Variants in NCAM1 observed in about 807,000 individuals in gnomAD.
The protein encoded by NCAM1 is neural cell adhesion molecule 1.
A neutral mutation model predicts 109.8 loss-of-function variants in NCAM1; 14 were observed. The ratio of observed to expected loss-of-function variants is 0.13; its 90% confidence interval spans 0.08 to 0.20. The LOEUF (loss-of-function observed/expected upper bound fraction) is 0.20, where lower values mean the gene tolerates loss of function less well. Ranked by LOEUF, NCAM1 falls within the 10% of genes least tolerant of loss-of-function variation. The pLI, the probability that NCAM1 is intolerant of heterozygous loss-of-function variation, is 1.00. For synonymous variants in NCAM1, 418 were observed against 442.9 expected, an observed-to-expected ratio of 0.94 and a Z score of 0.70; for missense variants, 774 against 1,109.9, an observed-to-expected ratio of 0.70 and a Z score of 4.30.
chr11:113,277,849 T>C lies in NCAM1; in HGVS notation c.*2462T>C, dbSNP rs1230397562. 1.6e-5 allele frequency: 1 copy of C among 63,250 alleles called. No individual in the cohort carries two copies. The highest frequency in any genetic ancestry group is 3.7e-4 in the East Asian group (1 of 2,698). 3.9% of individuals were successfully genotyped at this position (63,250 alleles called of 1,614,324 possible). ...TCTCAGCATGCAAGAGTTTTTCCTT[T>C]AAAAAAAAAAAAAAAAAAAAAAAAA... is the stretch of plus-strand genomic sequence containing the variant. On this transcript the variant is annotated 3_prime_UTR_variant, in exon 20 of 20. Transcript: ENST00000316851.
chr11:112,991,961 C>T (rs1316691410), intron 1 of NCAM1, among the ~76,000 whole-genome samples: 20 of 152,034 alleles, frequency 1.3e-4, no homozygotes, highest in Admixed American at 1.2e-3. Flanking sequence ...GTCTTTAAGG[C>T]ATTAAATATA....
At chr11:113,127,055 A>G (rs1555097265) in intron 1 of NCAM1, among the ~76,000 whole-genome samples, 1 of 152,194 alleles carries the variant, frequency 6.6e-6, no homozygotes, top group African/African-American at 2.4e-5. Context: ...GAACTCAGAG[A>G]AGATAGTGAT....
At position 113,278,378 on chromosome 11, in the gene NCAM1, T is replaced by C. The variant is rs529669334; in HGVS notation, c.*2991T>C. 2.0e-5 allele frequency: 3 copies of C among 152,326 alleles called. No individual in the cohort carries two copies. In the South Asian group the frequency reaches 6.2e-4, roughly 32 times the overall value. The allele number at this position is 152,326 out of a possible 1,614,324, so 9.4% of individuals were successfully genotyped here. ...TAAATACTGAGTACTAACTGAGAAT[T>C]TTGACTTTGCATTCTGTCGGAATAC... On this transcript the variant is annotated 3_prime_UTR_variant, in exon 20 of 20. Transcript: ENST00000316851.
At chr11:113,270,508 C>A in intron 18 of NCAM1, 113 bp downstream of exon 18, 2 of 991,074 alleles carry the variant, frequency 2.0e-6, no homozygotes, top group South Asian at 1.6e-5. Flanking sequence ...ATTGCACGTT[C>A]TCCATTTGGA....
At chr11:113,118,402 T>G (rs1410711634) in intron 1 of NCAM1, among the ~76,000 whole-genome samples, 6 of 151,930 alleles carry the variant, frequency 3.9e-5, no homozygotes, top group Admixed American at 6.6e-5. Flanking sequence ...CTGCCTTTAT[T>G]GGGGAAGATT....
rs1944470330 is a variant in NCAM1, at chr11:113,214,475, G to A, written c.1023G>A (p.Trp341Ter). ...GAGACCCCATTCCCTCCATCACCTG[G>A]AGGACTTCTACCCGGAACATCAGCA... ...ASGDPIPSIT[W>*]RTSTRNISSE... Residue 341 changes from tryptophan to a stop codon, truncating the protein, a stop_gained, in exon 8 of 20, where the codon TGG becomes TGA. Transcript: ENST00000316851. LOFTEE classifies it high-confidence loss of function. 1 of 1,612,068 alleles carries A rather than the reference G, an allele frequency of 6.2e-7. No individual in the cohort carries two copies. Among genetic ancestry groups the A allele is most frequent in the African/African-American group, 1.3e-5 (1 of 74,902 alleles).
Position 113,231,636 on chromosome 11 carries a change from C to T in NCAM1, c.1090-9C>T. 1.2e-6 allele frequency: 2 copies of T among 1,613,032 alleles called. No individual in the cohort carries two copies. Among genetic ancestry groups the T allele is most frequent in the African/African-American group, 2.7e-5 (2 of 74,994 alleles). ...TCTGACATGCTCCCTTCCCCCCCAC[C>T]CCCGGCAGACTCTGGATGGGCACAT... On this transcript the variant is annotated splice_polypyrimidine_tract_variant and intron_variant, in intron 9 of 19. Transcript: ENST00000316851.
chr11:113,025,501 GTGAA>G (rs556680483), intron 1 of NCAM1, among the ~76,000 whole-genome samples: 25 of 152,138 alleles, frequency 1.6e-4, no homozygotes, highest in Admixed American at 9.8e-4. Flanking sequence ...ACGTAAAAGA[GTGAA>G]TGAATGAATG....
chr11:113,256,916 A>G (rs1036138830), intron 16 of NCAM1, among the ~76,000 whole-genome samples: 3 of 152,230 alleles, frequency 2.0e-5, no homozygotes, highest in Non-Finnish European at 2.9e-5. Context: ...GCCCCAAGGA[A>G]GACTTTTTCT....
intron 7 of NCAM1, 36 bp downstream of exon 7, chr11:113,208,038 A>G (rs782752283): frequency 1.3e-6 from 2 of 1,576,664 alleles, no homozygotes; most frequent in South Asian, 1.2e-5. Context: ...CTGCTCTGCC[A>G]CAATTCCCCT....
At chr11:113,077,389 T>C (rs1316037349) in intron 1 of NCAM1, among the ~76,000 whole-genome samples, 4 of 152,184 alleles carry the variant, frequency 2.6e-5, no homozygotes, top group Admixed American at 6.5e-5. Context: ...GGTGAGTGCT[T>C]GACTTATCCT....
chr11:112,988,597 C>A (rs1419314326), intron 1 of NCAM1, among the ~76,000 whole-genome samples: 1 of 151,988 alleles, frequency 6.6e-6, no homozygotes, highest in East Asian at 1.9e-4. Flanking sequence ...TGTTTTAAAT[C>A]CAGCACTTTG....
Position 113,020,918 on chromosome 11 carries a change from G to A in NCAM1, c.52+59254G>A, listed in dbSNP as rs139762784. On this transcript the variant is annotated intron_variant, in intron 1 of 19. Coordinates refer to ENST00000316851, the MANE Select transcript of NCAM1 (RefSeq NM_181351.5). Reference sequence around the variant, plus strand: ...ATTGCAGGCATGTGCCACCATGCCCGACAAATTTTTGTATTTTTAGTAGGG... The same window carrying A: ...ATTGCAGGCATGTGCCACCATGCCCAACAAATTTTTGTATTTTTAGTAGGG... 9.7e-3 allele frequency among the ~76,000 whole-genome samples: 1,469 copies of A among 152,078 alleles called. 22 individuals carry two copies. The highest frequency in any genetic ancestry group is 0.02 in the Middle Eastern group (6 of 294).
At chr11:112,988,197 T>G (rs1951360189) in intron 1 of NCAM1, among the ~76,000 whole-genome samples, 1 of 152,170 alleles carries the variant, frequency 6.6e-6, no homozygotes, top group African/African-American at 2.4e-5. Flanking sequence ...CAGCCTTATT[T>G]TACGTTTTTG....
chr11:113,122,838 T>C lies in NCAM1; in HGVS notation c.53-79541T>C, dbSNP rs138033360. Among the ~76,000 whole-genome samples, 533 of 152,308 alleles carry C rather than the reference T, an allele frequency of 3.5e-3. 2 individuals are homozygous for C. Among genetic ancestry groups the C allele is most frequent in the Middle Eastern group, 0.01 (3 of 294 alleles). On this transcript the variant is annotated intron_variant, in intron 1 of 19. Transcript: ENST00000316851. ...CAGGGTTGTCTAGTTTAAAGCACCATTCTCATATTCTTTGTAAATCTCATC... is the reference window on the plus strand; with the variant it reads ...CAGGGTTGTCTAGTTTAAAGCACCACTCTCATATTCTTTGTAAATCTCATC...
At chr11:113,117,652 G>A (rs192313251) in intron 1 of NCAM1, among the ~76,000 whole-genome samples, 1 of 152,118 alleles carries the variant, frequency 6.6e-6, no homozygotes, top group Non-Finnish European at 1.5e-5. Context: ...GAGGGAAAAC[G>A]AAATTGTGTA....
chr11:113,052,195 C>T (rs1489832136), intron 1 of NCAM1, among the ~76,000 whole-genome samples: 1 of 152,122 alleles, frequency 6.6e-6, no homozygotes, highest in African/African-American at 2.4e-5. Context: ...GCTGGTGATA[C>T]CTACCTAAGG....
At chr11:113,081,004 T>G (rs1435721598) in intron 1 of NCAM1, among the ~76,000 whole-genome samples, 2 of 152,228 alleles carry the variant, frequency 1.3e-5, no homozygotes, top group Non-Finnish European at 2.9e-5. Context: ...AATCATACTT[T>G]CTGACATTTA....
chr11:113,121,452 C>T (rs1940953030), intron 1 of NCAM1, among the ~76,000 whole-genome samples: 1 of 143,210 alleles, frequency 7.0e-6, no homozygotes, highest in African/African-American at 2.6e-5. Context: ...AACTCCTGAC[C>T]TCAGGTGATC....
Sources: allele counts gnomAD v4.1 joint callset (sites outside exome capture counted in the v4.1 genomes callset), GRCh38; gene constraint gnomAD v4.1.1; transcripts MANE v1.5; gene names NCBI Gene and HGNC (gene_info 2026-07-23, HGNC 2026-07-21).